The following STPG2 variants were observed in gnomAD, a reference collection of about 807,000 sequenced individuals.
STPG2 encodes the protein sperm tail PG-rich repeat containing 2, also known as sperm-tail PG-rich repeat-containing protein 2.
In STPG2, 56 loss-of-function variants were observed where a neutral mutation model predicts 54.2. The ratio of observed to expected loss-of-function variants is 1.03; its 90% CI spans 0.83 to 1.29. The LOEUF is 1.29. Among genes scored for constraint, STPG2 ranks in the 50% most tolerant of loss-of-function variants. STPG2 has a pLI of 0.00. For synonymous variants in STPG2, 200 were observed against 181.8 expected (o/e 1.10, Z -0.81); for missense variants, 596 against 544.9 (o/e 1.09, Z -0.93).
intron 8 of STPG2, among the ~76,000 whole-genome samples, chr4:97,861,308 A>G (rs113956157): frequency 0.025 from 3,761 of 152,260 alleles, 101 homozygotes; most frequent in African/African-American, 0.072. Context: ...TCTCAACCCA[A>G]TTAAAATGGC....
chr4:97,806,035 G>A (rs896279369), intron 9 of STPG2, among the ~76,000 whole-genome samples: 6 of 152,200 alleles, frequency 3.9e-5, no homozygotes, highest in South Asian at 2.1e-4. Context: ...TTGTTCTACC[G>A]AAAAGATACA....
intron 8 of STPG2, among the ~76,000 whole-genome samples, chr4:97,869,075 A>G (rs1326589753): frequency 6.6e-6 from 1 of 151,850 alleles, no homozygotes; most frequent in Non-Finnish European, 1.5e-5. Context: ...CCAGAAACAA[A>G]GAAAGTTTGA....
At chr4:98,092,354 G>A (rs1050600875) in intron 5 of STPG2, among the ~76,000 whole-genome samples, 1 of 151,966 alleles carries the variant, frequency 6.6e-6, no homozygotes, top group Non-Finnish European at 1.5e-5. Context: ...GGTTTGGGGG[G>A]AAAAGCGTGT....
At chr4:97,865,427 G>A (rs1047785574) in intron 8 of STPG2, among the ~76,000 whole-genome samples, 7 of 152,142 alleles carry the variant, frequency 4.6e-5, no homozygotes, top group Non-Finnish European at 1.0e-4. Context: ...GCATTAAAAA[G>A]TCAGGAAACA....
chr4:97,779,385 A>C (rs1726515897), intron 9 of STPG2, among the ~76,000 whole-genome samples: 1 of 152,198 alleles, frequency 6.6e-6, no homozygotes, highest in Non-Finnish European at 1.5e-5. Flanking sequence ...TTAGAGAAAA[A>C]AAGGGTAAAA....
intron 10 of STPG2, among the ~76,000 whole-genome samples, chr4:97,683,937 A>T (rs951517807): frequency 6.6e-6 from 1 of 151,948 alleles, no homozygotes; most frequent in Non-Finnish European, 1.5e-5. Context: ...ACATACACAA[A>T]AGTCAGTTGC....
chr4:98,041,000 T>G (rs1560650952), intron 5 of STPG2, among the ~76,000 whole-genome samples: 1 of 151,888 alleles, frequency 6.6e-6, no homozygotes. Flanking sequence ...TTTGTCTGTG[T>G]CATCTACGAT....
chr4:97,699,216 C>T (rs1249470354), intron 10 of STPG2, among the ~76,000 whole-genome samples: 1 of 152,216 alleles, frequency 6.6e-6, no homozygotes, highest in Admixed American at 6.5e-5. Context: ...GAGTGGAAAT[C>T]CATGTTGTTG....
chr4:97,957,135 A>G (rs920682970), intron 7 of STPG2, among the ~76,000 whole-genome samples: 2 of 151,878 alleles, frequency 1.3e-5, no homozygotes, highest in African/African-American at 2.4e-5. Context: ...TGAAATATAT[A>G]TGAAATATAC....
At chr4:97,829,409 A>G (rs1728369003) in intron 9 of STPG2, among the ~76,000 whole-genome samples, 1 of 152,172 alleles carries the variant, frequency 6.6e-6, no homozygotes, top group East Asian at 1.9e-4. Context: ...ATTCACAAAG[A>G]TGGGGAGAAA....
intron 9 of STPG2, among the ~76,000 whole-genome samples, chr4:97,719,308 G>A (rs1019254705): frequency 4.0e-5 from 6 of 151,770 alleles, no homozygotes; most frequent in African/African-American, 1.4e-4. Flanking sequence ...CTTGTTGTAG[G>A]GCATGACACA....
At chr4:97,597,106 A>G (rs1171831079) in intron 10 of STPG2, among the ~76,000 whole-genome samples, 2 of 152,100 alleles carry the variant, frequency 1.3e-5, no homozygotes, top group African/African-American at 2.4e-5. Context: ...CAGAAATACA[A>G]GAATTCTGAG....
intron 5 of STPG2, among the ~76,000 whole-genome samples, chr4:98,062,559 G>C (rs1413464105): frequency 6.6e-6 from 1 of 151,946 alleles, no homozygotes; most frequent in Non-Finnish European, 1.5e-5. Flanking sequence ...AAAAACTGTT[G>C]GAAATACAAA....
At chr4:97,703,410 T>C (rs1330341156) in intron 10 of STPG2, among the ~76,000 whole-genome samples, 1 of 142,270 alleles carries the variant, frequency 7.0e-6, no homozygotes. Flanking sequence ...TATATCCTAT[T>C]ATATATATAT....
chr4:97,646,165 T>C lies in STPG2; in HGVS notation c.1320+66534A>G, dbSNP rs1366201723. 3.3e-5 allele frequency among the ~76,000 whole-genome samples: 5 copies of C among 152,286 alleles called. No individual in the cohort carries two copies. The East Asian group carries it at 9.7e-4, about 29-fold the overall frequency. Reference sequence around the variant, plus strand: ...AAATTAAAATATGTGGTTTTGAAGATTTGTGAGAGTCCTTGAAGTTCTATG... The same window carrying C: ...AAATTAAAATATGTGGTTTTGAAGACTTGTGAGAGTCCTTGAAGTTCTATG... On this transcript the variant is annotated intron_variant, in intron 10 of 10. Coordinates refer to ENST00000295268, the MANE Select transcript of STPG2 (RefSeq NM_174952.3).
chr4:97,751,301 T>C (rs2124554), intron 9 of STPG2, among the ~76,000 whole-genome samples: 127,198 of 151,678 alleles, frequency 0.84, 53,510 homozygotes, highest in Middle Eastern at 0.94. Context: ...TTGTAATAAA[T>C]AAATAATTTT....
chr4:97,483,002 A>G (rs964703533), intron 4 of STPG2, among the ~76,000 whole-genome samples: 1 of 151,780 alleles, frequency 6.6e-6, no homozygotes, highest in Non-Finnish European at 1.5e-5. Context: ...TCAGACAAAC[A>G]AATGCTGAGA....
intron 9 of STPG2, among the ~76,000 whole-genome samples, chr4:97,778,297 TGGCTCGGAGGGTCCCATGCCCAC>T (rs1726451963): frequency 6.6e-6 from 1 of 152,052 alleles, no homozygotes; most frequent in Non-Finnish European, 1.5e-5. Context: ...GTCCCATGCC[TGGCTCGGAGGGTCCCATGCCCAC>T]GGAGCCTCGC....
intron 7 of STPG2, among the ~76,000 whole-genome samples, chr4:97,955,003 G>A (rs1052397997): frequency 7.9e-5 from 12 of 152,070 alleles, no homozygotes; most frequent in South Asian, 2.1e-4. Flanking sequence ...AGTTGAAATC[G>A]TAAATAATTT....
Sources: allele counts gnomAD v4.1 joint callset (sites outside exome capture counted in the v4.1 genomes callset), GRCh38; gene constraint gnomAD v4.1.1; transcripts MANE v1.5; gene names NCBI Gene and HGNC (gene_info 2026-07-23, HGNC 2026-07-21).